AGMO: variants seen among roughly 807,000 people sequenced by gnomAD.
AGMO encodes the protein glyceryl-ether monooxygenase.
A neutral mutation model predicts 60.2 loss-of-function variants in AGMO; 75 were observed. The observed-to-expected ratio is 1.25, with a 90% CI of 1.03 to 1.51. AGMO has a LOEUF of 1.51. Ranked by LOEUF, AGMO falls within the 40% of genes most tolerant of loss-of-function variation. AGMO has a pLI of 0.00. For missense variants in AGMO, 763 were observed against 525.5 expected (o/e 1.45, Z -4.42); for synonymous variants, 261 against 177.1 (o/e 1.47, Z -3.76).
At chr7:15,346,533 T>C (rs1400890606) in intron 12 of AGMO, among the ~76,000 whole-genome samples, 1 of 151,656 alleles carries the variant, frequency 6.6e-6, no homozygotes. Context: ...CCTTCTTAAA[T>C]AATACGATAT....
intron 12 of AGMO, among the ~76,000 whole-genome samples, chr7:15,223,059 G>A (rs1332346771): frequency 1.3e-5 from 2 of 151,918 alleles, no homozygotes; most frequent in Admixed American, 6.6e-5. Flanking sequence ...ATTTCATGTA[G>A]TTTAGTTTTA....
chr7:15,258,947 A>T (rs930650647), intron 12 of AGMO, among the ~76,000 whole-genome samples: 4 of 152,126 alleles, frequency 2.6e-5, no homozygotes, highest in Non-Finnish European at 5.9e-5. Context: ...CTCATAGTCT[A>T]CCTAAATGAG....
chr7:15,333,813 C>A (rs1781571434), intron 12 of AGMO, among the ~76,000 whole-genome samples: 1 of 151,920 alleles, frequency 6.6e-6, no homozygotes, highest in Non-Finnish European at 1.5e-5. Flanking sequence ...AATGTAGTTA[C>A]AATAATTGTA....
chr7:15,495,799 C>T (rs1448405741), intron 3 of AGMO, among the ~76,000 whole-genome samples: 2 of 151,282 alleles, frequency 1.3e-5, no homozygotes, highest in Non-Finnish European at 1.5e-5. Context: ...ACAGCTTTTC[C>T]TTTGTAAGTG....
At chr7:15,304,680 A>G (rs1583385488) in intron 12 of AGMO, among the ~76,000 whole-genome samples, 1 of 152,116 alleles carries the variant, frequency 6.6e-6, no homozygotes, top group African/African-American at 2.4e-5. Flanking sequence ...ATTTGTCAAC[A>G]GTCCAATGAA....
downstream of AGMO, among the ~76,000 whole-genome samples, chr7:15,198,249 GA>G (rs1781183036): frequency 5.1e-5 from 4 of 78,500 alleles, no homozygotes; most frequent in East Asian, 5.7e-4. Flanking sequence ...GAGAGAGAGA[GA>G]GAGAGACAGA....
At position 15,356,905 on chromosome 7, in the gene AGMO, C is replaced by T. The variant is rs558280354; in HGVS notation, c.1263+8609G>A. ...GGCAGGTCACCTGAAGTCAGGTGTT[C>T]GAGACCAGCCTGGCCAACATGGCGA... is the stretch of plus-strand genomic sequence containing the variant. On this transcript the variant is annotated intron_variant, in intron 12 of 12. Coordinates refer to ENST00000342526, the MANE Select transcript of AGMO (RefSeq NM_001004320.2). Among the ~76,000 whole-genome samples, 1,128 of 145,136 alleles carry T rather than the reference C, an allele frequency of 7.8e-3. 11 individuals are homozygous for T. The highest frequency in any genetic ancestry group is 0.011 in the Non-Finnish European group (753 of 67,058).
chr7:15,303,472 G>A (rs1312347882), intron 12 of AGMO, among the ~76,000 whole-genome samples: 7 of 151,888 alleles, frequency 4.6e-5, no homozygotes. Flanking sequence ...GTGAACATCT[G>A]GGGTGGTTTC....
At chr7:15,511,385 C>T (rs1472198837) in intron 3 of AGMO, among the ~76,000 whole-genome samples, 1 of 152,072 alleles carries the variant, frequency 6.6e-6, no homozygotes, top group Non-Finnish European at 1.5e-5. Context: ...AATTTTTTTT[C>T]TCATCAACAT....
At chr7:15,528,726 G>T (rs987540485) in intron 3 of AGMO, among the ~76,000 whole-genome samples, 2 of 151,910 alleles carry the variant, frequency 1.3e-5, no homozygotes, top group East Asian at 3.9e-4. Flanking sequence ...TCGGCTCACC[G>T]CAACCTCCGC....
the AGMO span, among the ~76,000 whole-genome samples, chr7:15,133,371 C>G: frequency 6.6e-6 from 1 of 151,934 alleles, no homozygotes; most frequent in South Asian, 2.1e-4. Flanking sequence ...CAGGTGGAGA[C>G]AATAAAGGAA....
chr7:15,462,149 T>C lies in AGMO; in HGVS notation c.410-31041A>G, dbSNP rs545398739. On this transcript the variant is annotated intron_variant, in intron 3 of 12. Coordinates refer to ENST00000342526, the MANE Select transcript of AGMO (RefSeq NM_001004320.2). Reference sequence around the variant, plus strand: ...TATCACCTACATAAACATAGAATTCTAAATAAGACAAGTTTCGGAGAATAT... The same window carrying C: ...TATCACCTACATAAACATAGAATTCCAAATAAGACAAGTTTCGGAGAATAT... Among the ~76,000 whole-genome samples, 5 of 152,224 alleles carry C rather than the reference T, an allele frequency of 3.3e-5. No individual in the cohort carries two copies. In the East Asian group the frequency reaches 9.7e-4, roughly 29 times the overall value.
rs1784250284 is a variant in AGMO, at chr7:15,529,725, C to CTGTA, written c.409+15046_409+15047insTACA. Among the ~76,000 whole-genome samples the CTGTA allele has an allele frequency of 5.7e-5, 4 of 70,522 alleles. 1 individual carries two copies. Among genetic ancestry groups the CTGTA allele is most frequent in the Non-Finnish European group, 8.0e-5 (3 of 37,630 alleles). 46.3% of individuals were successfully genotyped at this position (70,522 alleles called of 152,430 possible). A position where few individuals can be genotyped will look rare whatever the true frequency, so the allele number is the denominator to read the frequency against. ...ATATATACTATATATATACTATATA[C>CTGTA]TCTATATATATTCTATATATATATT... On this transcript the variant is annotated intron_variant, in intron 3 of 12. Transcript: ENST00000342526.
intron 10 of AGMO, among the ~76,000 whole-genome samples, chr7:15,371,914 TTATTAAG>T (rs960337561): frequency 6.0e-5 from 7 of 117,182 alleles, no homozygotes; most frequent in African/African-American, 1.9e-4. Context: ...TAATATTAAA[TTATTAAG>T]TGTTTCTAAA....
the AGMO span, among the ~76,000 whole-genome samples, chr7:15,152,044 C>T: frequency 1.3e-5 from 2 of 152,076 alleles, no homozygotes; most frequent in Admixed American, 6.6e-5. Context: ...TCTATAAGAA[C>T]TTCTCTAATG....
At chr7:15,419,185 C>T (rs557990707) in intron 4 of AGMO, among the ~76,000 whole-genome samples, 110 of 151,550 alleles carry the variant, frequency 7.3e-4, no homozygotes, top group African/African-American at 2.6e-3. Context: ...TTAATTTTTT[C>T]GAAGTTATTA....
chr7:15,358,090 G>C (rs952916049), intron 12 of AGMO: 23 of 167,884 alleles, frequency 1.4e-4, no homozygotes, highest in Admixed American at 1.9e-4. Flanking sequence ...GGTAAAACGA[G>C]ACATCTGAAT....
intron 2 of AGMO, among the ~76,000 whole-genome samples, chr7:15,550,568 A>G (rs1190005330): frequency 1.3e-5 from 2 of 151,872 alleles, no homozygotes; most frequent in Non-Finnish European, 1.5e-5. Context: ...AAAATCTAGA[A>G]GAAATGGATA....
chr7:15,323,840 A>C (rs1378534912), intron 12 of AGMO, among the ~76,000 whole-genome samples: 1 of 152,178 alleles, frequency 6.6e-6, no homozygotes, highest in Non-Finnish European at 1.5e-5. Context: ...AACAGACACG[A>C]GATGTTGCCA....
Sources: allele counts gnomAD v4.1 joint callset (sites outside exome capture counted in the v4.1 genomes callset), GRCh38; gene constraint gnomAD v4.1.1; transcripts MANE v1.5; gene names NCBI Gene and HGNC (gene_info 2026-07-23, HGNC 2026-07-21).